RAMP3: variants seen among roughly 807,000 people sequenced by gnomAD.
RAMP3 encodes the protein receptor activity-modifying protein 3.
A neutral mutation model predicts 13.5 loss-of-function variants in RAMP3; 14 were observed. The ratio of observed to expected loss-of-function variants is 1.04; its 90% CI spans 0.69 to 1.63. RAMP3 has a LOEUF of 1.63. Ranked by LOEUF, RAMP3 falls within the 40% of genes most tolerant of loss-of-function variation. The pLI, the probability that RAMP3 is intolerant of heterozygous loss-of-function variation, is 0.00. For synonymous variants in RAMP3, 106 were observed against 88.3 expected, an observed-to-expected ratio of 1.20 and a Z score of -1.12; for missense variants, 200 against 204.8, an observed-to-expected ratio of 0.98 and a Z score of 0.14.
chr7:45,177,699 G>T (rs111774711), intron 2 of RAMP3, among the ~76,000 whole-genome samples: 1 of 151,582 alleles, frequency 6.6e-6, no homozygotes, highest in Non-Finnish European at 1.5e-5. Flanking sequence ...TCACGGCCCC[G>T]CCCATGCCGT....
chr7:45,183,220 C>T lies in RAMP3; in HGVS notation c.255C>T (p.Pro85=). 6.2e-7 allele frequency: 1 copy of T among 1,613,814 alleles called. No individual in the cohort carries two copies. Among genetic ancestry groups the T allele is most frequent in the Admixed American group, 1.7e-5 (1 of 60,026 alleles). ...CCAATGTCGTGGGCTGCTACTGGCC[C>T]AACCCCCTGGCCCAGGGCTTCATCA... The part of the protein sequence containing the change: ...MEANVVGCYW[P]NPLAQGFITG... The change falls in exon 3 of 3, where the codon CCC becomes CCT. Residue 85 remains proline, a synonymous_variant. Coordinates refer to ENST00000242249, the MANE Select transcript of RAMP3 (RefSeq NM_005856.3).
intron 1 of RAMP3, among the ~76,000 whole-genome samples, chr7:45,158,458 C>T (rs185838321): frequency 3.3e-5 from 5 of 152,268 alleles, no homozygotes; most frequent in Admixed American, 6.5e-5. Context: ...ATGCCTTCTT[C>T]GGCAAGAAAT....
rs117260648 is a variant in RAMP3 at position 45,164,911 on chromosome 7, A to T, written c.58+7025A>T. 1.1e-4 allele frequency among the ~76,000 whole-genome samples: 16 copies of T among 152,228 alleles called. No homozygotes were observed. In the East Asian group the frequency reaches 1.9e-3, roughly 18 times the overall value. ...CCTTACTTTTTGTTCTTATTTGACA[A>T]TCTTTGCTTCTTAGTTGAAGTGCTT... On this transcript the variant is annotated intron_variant, in intron 1 of 2. Transcript: ENST00000242249.
At chr7:45,173,008 G>T (rs866109100) in intron 1 of RAMP3, among the ~76,000 whole-genome samples, 1 of 152,160 alleles carries the variant, frequency 6.6e-6, no homozygotes, top group Non-Finnish European at 1.5e-5. Flanking sequence ...AGTTATTTCT[G>T]GTTCACCTAC....
chr7:45,182,861 C>T (rs994189817), intron 2 of RAMP3, among the ~76,000 whole-genome samples: 6 of 152,116 alleles, frequency 3.9e-5, no homozygotes, highest in South Asian at 2.1e-4. Context: ...GGCAGACCTG[C>T]GTAGTGCTTA....
At chr7:45,167,871 C>G (rs1265417294) in intron 1 of RAMP3, among the ~76,000 whole-genome samples, 2 of 152,040 alleles carry the variant, frequency 1.3e-5, no homozygotes, top group Non-Finnish European at 2.9e-5. Context: ...CAAGCGTGAG[C>G]CACCTCGCCT....
chr7:45,177,824 C>T (rs1786224315), intron 2 of RAMP3, among the ~76,000 whole-genome samples: 1 of 152,244 alleles, frequency 6.6e-6, no homozygotes, highest in African/African-American at 2.4e-5. Flanking sequence ...GCCTCTGCTT[C>T]TCCCTCTCCT....
chr7:45,177,228 G>A lies in RAMP3; in HGVS notation c.59-81G>A, dbSNP rs1786205241. 5.1e-6 allele frequency: 8 copies of A among 1,579,434 alleles called. No individual in the cohort carries two copies. The Admixed American group carries it at 1.4e-4, about 27-fold the overall frequency. On this transcript the variant is annotated intron_variant, in intron 1 of 2. Transcript: ENST00000242249. ...CGGAGCCTTGCTAGTGAGTACTCAA[G>A]TTATGGCCCCTTGGGCCTCCCCTGT... is the stretch of plus-strand genomic sequence containing the variant.
At position 45,172,615 on chromosome 7, in the gene RAMP3, A is replaced by C. The variant is rs564377986; in HGVS notation, c.59-4694A>C. ...CTCAGCTTCCCGAGTAGGTGGGACC[A>C]CAGGTGCACGCCTCCTTGTCTGGCT... On this transcript the variant is annotated intron_variant, in intron 1 of 2. Transcript: ENST00000242249. 5.9e-5 allele frequency among the ~76,000 whole-genome samples: 9 copies of C among 152,354 alleles called. No homozygotes were observed. The East Asian group carries it at 1.5e-3, about 26-fold the overall frequency.
At chr7:45,171,131 A>G (rs189336636) in intron 1 of RAMP3, among the ~76,000 whole-genome samples, 454 of 150,610 alleles carry the variant, frequency 3.0e-3, no homozygotes, top group African/African-American at 8.9e-3. Context: ...AATTTCCCCA[A>G]ATTCTTTCCA....
intron 1 of RAMP3, among the ~76,000 whole-genome samples, chr7:45,168,425 A>AG (rs1468589216): frequency 6.6e-6 from 1 of 151,392 alleles, no homozygotes; most frequent in Non-Finnish European, 1.5e-5. Context: ...AAAAAAAAAA[A>AG]AAAAATTCTT....
chr7:45,166,306 G>T (rs981944105), intron 1 of RAMP3, among the ~76,000 whole-genome samples: 1 of 151,942 alleles, frequency 6.6e-6, no homozygotes, highest in Middle Eastern at 3.2e-3. Context: ...AATGTCTGGG[G>T]TTACAAGTGT....
chr7:45,160,218 G>A (rs1785837227), intron 1 of RAMP3, among the ~76,000 whole-genome samples: 1 of 151,468 alleles, frequency 6.6e-6, no homozygotes, highest in African/African-American at 2.4e-5. Flanking sequence ...TGTAGTCTCA[G>A]CTACTCAGGA....
chr7:45,159,273 G>A (rs1041124104), intron 1 of RAMP3, among the ~76,000 whole-genome samples: 2 of 152,200 alleles, frequency 1.3e-5, no homozygotes, highest in Admixed American at 6.5e-5. Context: ...CCCAGTGTTC[G>A]ACTGGCCAGA....
chr7:45,161,057 C>T (rs975277649), intron 1 of RAMP3, among the ~76,000 whole-genome samples: 5 of 152,228 alleles, frequency 3.3e-5, no homozygotes, highest in Admixed American at 2.0e-4. Flanking sequence ...ATAGCACCTC[C>T]GTGGGTAGAG....
At chr7:45,158,073 G>A (rs1430031829) in intron 1 of RAMP3, among the ~76,000 whole-genome samples, 187 bp downstream of exon 1, 2 of 152,266 alleles carry the variant, frequency 1.3e-5, no homozygotes, top group African/African-American at 2.4e-5. Context: ...AGAAGCTGAA[G>A]GCGAAGGACT....
chr7:45,161,576 A>T (rs10951800), intron 1 of RAMP3, among the ~76,000 whole-genome samples: 44,901 of 150,720 alleles, frequency 0.3, 8,752 homozygotes, highest in African/African-American at 0.55. Context: ...AGTGGTTCAG[A>T]TTCATTCTGA....
At chr7:45,171,839 G>A (rs1355011264) in intron 1 of RAMP3, among the ~76,000 whole-genome samples, 1 of 152,192 alleles carries the variant, frequency 6.6e-6, no homozygotes, top group Non-Finnish European at 1.5e-5. Flanking sequence ...AATCCCTTCT[G>A]CAACAGCTAT....
chr7:45,176,542 G>T (rs536127280), intron 1 of RAMP3, among the ~76,000 whole-genome samples: 30 of 152,150 alleles, frequency 2.0e-4, no homozygotes, highest in Non-Finnish European at 4.0e-4. Flanking sequence ...TTTAGGAGCA[G>T]GGAGGTCCTG....
Sources: allele counts gnomAD v4.1 joint callset (sites outside exome capture counted in the v4.1 genomes callset), GRCh38; gene constraint gnomAD v4.1.1; transcripts MANE v1.5; gene names NCBI Gene and HGNC (gene_info 2026-07-23, HGNC 2026-07-21).